Variants in LOC400499 observed in about 807,000 individuals in gnomAD.
At chr16:11,474,361 C>T in the LOC400499 span, among the ~76,000 whole-genome samples, 1 of 152,166 alleles carries the variant, frequency 6.6e-6, no homozygotes, top group Non-Finnish European at 1.5e-5. Flanking sequence ...TCTTTTTAGC[C>T]ACTTAATGTA....
chr16:11,459,491 C>T, the LOC400499 span, among the ~76,000 whole-genome samples: 6 of 152,208 alleles, frequency 3.9e-5, no homozygotes, highest in Non-Finnish European at 5.9e-5. Flanking sequence ...CCACTGCGCC[C>T]GGCCCCTAAA....
chr16:11,426,949 T>A, the LOC400499 span, among the ~76,000 whole-genome samples: 2 of 149,058 alleles, frequency 1.3e-5, no homozygotes, highest in African/African-American at 5.0e-5. Context: ...TATCCTATTC[T>A]AGAATATATA....
the LOC400499 span, among the ~76,000 whole-genome samples, chr16:11,409,916 T>A: frequency 6.6e-6 from 1 of 152,250 alleles, no homozygotes; most frequent in Non-Finnish European, 1.5e-5. Context: ...TGGTCAATGT[T>A]CACTGTCCTA....
the LOC400499 span, among the ~76,000 whole-genome samples, chr16:11,510,568 C>T: frequency 6.6e-6 from 1 of 151,704 alleles, no homozygotes; most frequent in Non-Finnish European, 1.5e-5. Flanking sequence ...TCTCAAGCCA[C>T]CTTGACTAGG....
At chr16:11,487,557 C>T in the LOC400499 span, among the ~76,000 whole-genome samples, 2 of 152,056 alleles carry the variant, frequency 1.3e-5, no homozygotes, top group Non-Finnish European at 2.9e-5. Context: ...AGAGGGAGTC[C>T]AGGACACAGA....
chr16:11,491,786 A>G, the LOC400499 span: 1 of 398,962 alleles, frequency 2.5e-6, no homozygotes. Context: ...CCAGGTAGGC[A>G]TTGATACGGA....
the LOC400499 span, among the ~76,000 whole-genome samples, chr16:11,463,440 G>A: frequency 7.0e-6 from 1 of 142,186 alleles, no homozygotes; most frequent in Admixed American, 7.0e-5. Context: ...ATGGATGTGT[G>A]TGTATACAGG....
chr16:11,496,672 G>A, the LOC400499 span, among the ~76,000 whole-genome samples: 1 of 152,192 alleles, frequency 6.6e-6, no homozygotes, highest in Non-Finnish European at 1.5e-5. Context: ...CCAGGTGCGT[G>A]TGTGTGTACT....
the LOC400499 span, among the ~76,000 whole-genome samples, chr16:11,505,775 T>G: frequency 6.6e-6 from 1 of 152,058 alleles, no homozygotes; most frequent in African/African-American, 2.4e-5. Context: ...CACAATAGAT[T>G]CACATATTTT....
chr16:11,482,506 T>C, the LOC400499 span, among the ~76,000 whole-genome samples: 3 of 152,180 alleles, frequency 2.0e-5, no homozygotes, highest in African/African-American at 7.2e-5. Context: ...AAATTAAGAC[T>C]TCCTGCTATT....
the LOC400499 span, among the ~76,000 whole-genome samples, chr16:11,479,111 G>A: frequency 6.6e-6 from 1 of 152,246 alleles, no homozygotes; most frequent in South Asian, 2.1e-4. Flanking sequence ...AGGGCAAAGT[G>A]CCTGTACTTT....
the LOC400499 span, among the ~76,000 whole-genome samples, chr16:11,515,589 G>A: frequency 1.3e-5 from 2 of 151,410 alleles, no homozygotes; most frequent in African/African-American, 4.9e-5. Context: ...GGAAGGGGAA[G>A]GGAGGAGAGG....
At chr16:11,388,096 G>A in the LOC400499 span, among the ~76,000 whole-genome samples, 1 of 152,124 alleles carries the variant, frequency 6.6e-6, no homozygotes, top group Non-Finnish European at 1.5e-5. Context: ...TAGAGAGGGA[G>A]CAGGGGCAGG....
chr16:11,437,825 T>C, the LOC400499 span, among the ~76,000 whole-genome samples: 1 of 152,204 alleles, frequency 6.6e-6, no homozygotes, highest in Non-Finnish European at 1.5e-5. Flanking sequence ...GCCGAGATCA[T>C]GCCACGGCAC....
chr16:11,476,989 G>A, the LOC400499 span: 3 of 399,652 alleles, frequency 7.5e-6, no homozygotes, highest in South Asian at 3.8e-4. Context: ...AGGGCCCTGG[G>A]GCCACAGATC....
At chr16:11,493,371 T>C in the LOC400499 span, among the ~76,000 whole-genome samples, 1 of 152,190 alleles carries the variant, frequency 6.6e-6, no homozygotes, top group African/African-American at 2.4e-5. Context: ...AAGGGCCAGG[T>C]AGTGGCCCAT....
At chr16:11,420,176 A>G in the LOC400499 span, among the ~76,000 whole-genome samples, 1 of 151,224 alleles carries the variant, frequency 6.6e-6, no homozygotes. Context: ...TCACAATAGC[A>G]AAGACTTGGA....
chr16:11,496,158 C>A, the LOC400499 span, among the ~76,000 whole-genome samples: 1 of 152,040 alleles, frequency 6.6e-6, no homozygotes, highest in African/African-American at 2.4e-5. Flanking sequence ...CCTCTGCCTC[C>A]TGAGATCAAG....
At chr16:11,517,838 T>G in the LOC400499 span, among the ~76,000 whole-genome samples, 3 of 151,806 alleles carry the variant, frequency 2.0e-5, no homozygotes, top group Non-Finnish European at 2.9e-5. Context: ...CTGGGTGGAG[T>G]TGGAAGACAG....
Sources: allele counts gnomAD v4.1 joint callset (sites outside exome capture counted in the v4.1 genomes callset), GRCh38; gene constraint gnomAD v4.1.1; transcripts MANE v1.5.